Variants in SEPHS1 observed in about 807,000 individuals in gnomAD.
The protein encoded by SEPHS1 is selenophosphate synthetase 1, also known as zincore component SEPHS1.
SEPHS1 carries 7 observed loss-of-function variants against 39.2 expected under a neutral mutation model. That is an observed-to-expected ratio of 0.18 (90% CI 0.10 to 0.34). The LOEUF is 0.34. SEPHS1 is among the 10% of genes least tolerant of loss of function. The pLI, the probability that SEPHS1 is intolerant of heterozygous loss-of-function variation, is 1.00. For synonymous variants in SEPHS1, 190 were observed against 195.5 expected, an observed-to-expected ratio of 0.97 and a Z score of 0.23; for missense variants, 253 against 514.5, an observed-to-expected ratio of 0.49 and a Z score of 4.92.
At chr10:13,328,487 G>A in intron 6 of SEPHS1, 37 bp from the exon 7 acceptor site, 1 of 1,397,100 alleles carries the variant, frequency 7.2e-7, no homozygotes. Flanking sequence ...GAGAAAGAGA[G>A]GAAAATGTGA....
intron 4 of SEPHS1, among the ~76,000 whole-genome samples, chr10:13,334,201 C>T (rs1833555486): frequency 6.6e-6 from 1 of 152,062 alleles, no homozygotes; most frequent in Non-Finnish European, 1.5e-5. Context: ...AGTTTAAGAC[C>T]AGTCTGGGCA....
At chr10:13,325,195 A>G (rs1833229467) in intron 7 of SEPHS1, among the ~76,000 whole-genome samples, 1 of 152,194 alleles carries the variant, frequency 6.6e-6, no homozygotes, top group Non-Finnish European at 1.5e-5. Context: ...TTTAATAGAT[A>G]GTGCTTTTGG....
intron 5 of SEPHS1, among the ~76,000 whole-genome samples, chr10:13,330,437 T>C (rs115617133): frequency 0.01 from 1,580 of 152,248 alleles, 24 homozygotes; most frequent in South Asian, 0.034. Context: ...GTGGTCCCTG[T>C]CTTAGAGACA....
chr10:13,334,113 A>G (rs1833552987), intron 4 of SEPHS1, 142 bp from the exon 5 acceptor site: 4 of 731,214 alleles, frequency 5.5e-6, no homozygotes, highest in Non-Finnish European at 6.6e-6. Flanking sequence ...GAAGGTTGTT[A>G]GGGGCCAGGC....
chr10:13,344,661 A>G lies in SEPHS1; in HGVS notation c.193+97T>C, dbSNP rs985071255. 7 of 873,992 alleles carry G rather than the reference A, an allele frequency of 8.0e-6. No individual in the cohort carries two copies. In the African/African-American group the frequency reaches 1.0e-4, roughly 13 times the overall value. 54.1% of individuals were successfully genotyped at this position (873,992 alleles called of 1,614,324 possible). ...CAAATCTATAAAAGCAAAAAAAGTA[A>G]TAATAAAAAATAAATAGGCAACATG... is the stretch of plus-strand genomic sequence containing the variant. On this transcript the variant is annotated intron_variant, in intron 2 of 8. Transcript: ENST00000327347.
At chr10:13,339,574 C>T (rs1325034266) in intron 2 of SEPHS1, among the ~76,000 whole-genome samples, 1 of 151,688 alleles carries the variant, frequency 6.6e-6, no homozygotes. Context: ...CCCTACACCC[C>T]TCAGAAGGAC....
intron 8 of SEPHS1, 98 bp from the exon 9 acceptor site, chr10:13,319,454 G>T: frequency 8.1e-7 from 1 of 1,238,660 alleles, no homozygotes; most frequent in Non-Finnish European, 1.2e-6. Context: ...TCAACAACTT[G>T]CTGCCACCTA....
intron 7 of SEPHS1, among the ~76,000 whole-genome samples, chr10:13,325,438 G>C (rs1389586809): frequency 1.3e-5 from 2 of 152,138 alleles, no homozygotes; most frequent in Non-Finnish European, 2.9e-5. Flanking sequence ...TCGTCAGGGT[G>C]AATGAATTCT....
chr10:13,332,263 C>A (rs1411237033), intron 5 of SEPHS1, among the ~76,000 whole-genome samples: 1 of 152,182 alleles, frequency 6.6e-6, no homozygotes, highest in Non-Finnish European at 1.5e-5. Flanking sequence ...GGGAGTGAAG[C>A]CAGACACAGC....
At chr10:13,323,517 G>A (rs1284413963) in intron 7 of SEPHS1, among the ~76,000 whole-genome samples, 3 of 151,928 alleles carry the variant, frequency 2.0e-5, no homozygotes, top group African/African-American at 7.3e-5. Flanking sequence ...ACCACGCCCA[G>A]CTAATTTCTG....
chr10:13,330,928 T>C (rs1028055965), intron 5 of SEPHS1, among the ~76,000 whole-genome samples: 2 of 152,168 alleles, frequency 1.3e-5, no homozygotes, highest in African/African-American at 2.4e-5. Flanking sequence ...GTTGGTTTGC[T>C]GTACCCATCA....
chr10:13,348,252 C>T lies in SEPHS1; in HGVS notation c.-331G>A, dbSNP rs2130712313. 1 of 149,540 alleles carries T rather than the reference C, an allele frequency of 6.7e-6. No homozygotes were observed. Among genetic ancestry groups the T allele is most frequent in the South Asian group, 2.1e-4 (1 of 4,774 alleles). 9.3% of individuals were successfully genotyped at this position (149,540 alleles called of 1,614,324 possible). The stretch of plus-strand genomic sequence containing the variant: ...GCGGGGGTCCTTTAAGGCCGGCCAC[C>T]TCCCTTTAAGAGGCGGCCCTGGCTG... On this transcript the variant is annotated 5_prime_UTR_variant, in exon 1 of 9. Transcript: ENST00000327347.
chr10:13,334,635 G>T (rs953263663), intron 4 of SEPHS1, among the ~76,000 whole-genome samples: 1 of 152,028 alleles, frequency 6.6e-6, no homozygotes, highest in Admixed American at 6.5e-5. Context: ...TCTTGAGCCC[G>T]GGAGGCTGAG....
intron 2 of SEPHS1, chr10:13,340,886 G>A (rs1833763566): frequency 6.6e-6 from 1 of 152,178 alleles, no homozygotes; most frequent in African/African-American, 2.4e-5. Flanking sequence ...ACAGGGGGTG[G>A]CTGCGCATCT....
rs1452385888 is a variant in SEPHS1, at chr10:13,325,950, A to ATAAT, written c.751+2400_751+2401insATTA. 4.2e-3 allele frequency among the ~76,000 whole-genome samples: 259 copies of ATAAT among 61,480 alleles called. 9 individuals carry two copies. Among genetic ancestry groups the ATAAT allele is most frequent in the African/African-American group, 0.014 (245 of 17,698 alleles). The allele number at this position is 61,480 out of a possible 152,430, so 40.3% of individuals were successfully genotyped here. A position where few individuals can be genotyped will look rare whatever the true frequency, so the allele number is the denominator to read the frequency against. ...AAAAAAAAAGAGACTCAGTCTCAAA[A>ATAAT]AAAAAAAAAAAAAATAATAATAATA... On this transcript the variant is annotated intron_variant, in intron 7 of 8. Transcript: ENST00000327347.
chr10:13,344,046 C>CATTG (rs1213295632), intron 2 of SEPHS1, among the ~76,000 whole-genome samples: 4 of 152,152 alleles, frequency 2.6e-5, no homozygotes, highest in African/African-American at 9.7e-5. Context: ...AAGAAAAAGA[C>CATTG]ATTGCCCTGG....
chr10:13,347,047 G>T (rs767054617), intron 1 of SEPHS1, among the ~76,000 whole-genome samples: 1 of 152,164 alleles, frequency 6.6e-6, no homozygotes, highest in South Asian at 2.1e-4. Flanking sequence ...AGTGATTAGG[G>T]AACCAGGGGG....
intron 8 of SEPHS1, among the ~76,000 whole-genome samples, chr10:13,322,359 T>G (rs1035832842): frequency 6.6e-6 from 1 of 152,060 alleles, no homozygotes; most frequent in Non-Finnish European, 1.5e-5. Flanking sequence ...TTGGCCAGGC[T>G]GGTCTTCAAC....
chr10:13,321,402 G>A (rs1040763499), intron 8 of SEPHS1, among the ~76,000 whole-genome samples: 12 of 151,930 alleles, frequency 7.9e-5, no homozygotes, highest in Admixed American at 3.9e-4. Context: ...CACACGCCAC[G>A]ACGCCCCGCT....
Sources: allele counts gnomAD v4.1 joint callset (sites outside exome capture counted in the v4.1 genomes callset), GRCh38; gene constraint gnomAD v4.1.1; transcripts MANE v1.5; gene names NCBI Gene and HGNC (gene_info 2026-07-23, HGNC 2026-07-21).